The following CA10 variants were observed in gnomAD, a reference collection of about 807,000 sequenced individuals.
CA10 encodes carbonic anhydrase 10 (inactive).
CA10 carries 14 observed loss-of-function variants against 44.2 expected under a neutral mutation model. The ratio of observed to expected loss-of-function variants is 0.32; its 90% CI spans 0.21 to 0.50. CA10 has a LOEUF of 0.50. CA10 is among the 20% of genes least tolerant of loss of function. The pLI, the probability that CA10 is intolerant of heterozygous loss-of-function variation, is 0.99. For missense variants in CA10, 350 were observed against 409.7 expected (o/e 0.85, Z 1.26); for synonymous variants, 159 against 141.6 (o/e 1.12, Z -0.87).
chr17:51,959,928 A>C (rs1983824077), intron 2 of CA10, among the ~76,000 whole-genome samples: 2 of 151,998 alleles, frequency 1.3e-5, no homozygotes, highest in Admixed American at 1.3e-4. Flanking sequence ...AAAAAAGAGC[A>C]TCTCAAAAGT....
intron 2 of CA10, among the ~76,000 whole-genome samples, chr17:51,943,809 G>A (rs1983174255): frequency 1.3e-5 from 2 of 152,150 alleles, no homozygotes; most frequent in Admixed American, 1.3e-4. Context: ...GAAGAAAGCA[G>A]GTTTTTCTCA....
chr17:51,673,531 C>A (rs977540218), intron 4 of CA10, among the ~76,000 whole-genome samples: 2 of 152,124 alleles, frequency 1.3e-5, no homozygotes, highest in Non-Finnish European at 2.9e-5. Context: ...CATGAGAGCT[C>A]ATTAGTCATG....
chr17:52,061,632 C>T (rs377414679), intron 2 of CA10, among the ~76,000 whole-genome samples: 12 of 152,074 alleles, frequency 7.9e-5, no homozygotes, highest in African/African-American at 2.7e-4. Context: ...AGTGAGTTCT[C>T]ATGAAATCTC....
At chr17:51,843,524 C>T (rs968909467) in intron 3 of CA10, among the ~76,000 whole-genome samples, 5 of 152,092 alleles carry the variant, frequency 3.3e-5, no homozygotes, top group East Asian at 1.9e-4. Context: ...TTTTCCCCCA[C>T]GTGAAGTCTC....
intron 3 of CA10, among the ~76,000 whole-genome samples, chr17:51,759,223 A>G (rs897442019): frequency 1.6e-4 from 25 of 151,834 alleles, no homozygotes; most frequent in African/African-American, 5.8e-4. Context: ...TGGAACCAAG[A>G]TGGTACCAGC....
At chr17:51,669,495 C>T (rs955280775) in intron 4 of CA10, among the ~76,000 whole-genome samples, 1 of 152,178 alleles carries the variant, frequency 6.6e-6, no homozygotes, top group African/African-American at 2.4e-5. Flanking sequence ...CCCTTCCACA[C>T]TGTGGAAGCT....
rs188515118 is a variant in CA10, at chr17:51,981,673, T to A, written c.137-50541A>T. 2.8e-4 allele frequency among the ~76,000 whole-genome samples: 42 copies of A among 152,202 alleles called. 1 individual carries two copies. The East Asian group carries it at 7.9e-3, about 29-fold the overall frequency. The stretch of plus-strand genomic sequence containing the variant: ...ATTTCACTGTAAATAAATAATATTT[T>A]CATTTCTACAAGACTACCCATGTGA... On this transcript the variant is annotated intron_variant, in intron 2 of 8. Coordinates refer to ENST00000451037, the MANE Select transcript of CA10 (RefSeq NM_020178.5).
chr17:52,150,644 A>T (rs537928260), intron 1 of CA10, among the ~76,000 whole-genome samples: 1 of 152,180 alleles, frequency 6.6e-6, no homozygotes, highest in African/African-American at 2.4e-5. Context: ...TCTATTGGAA[A>T]TAAGAGTTGA....
intron 3 of CA10, among the ~76,000 whole-genome samples, chr17:51,750,591 C>A (rs1194189037): frequency 4.6e-5 from 7 of 152,078 alleles, no homozygotes; most frequent in Non-Finnish European, 1.0e-4. Context: ...ATGCAAATTC[C>A]AGGTCAAATA....
At chr17:51,725,347 C>A (rs1916479730) in intron 4 of CA10, among the ~76,000 whole-genome samples, 1 of 152,228 alleles carries the variant, frequency 6.6e-6, no homozygotes, top group East Asian at 1.9e-4. Flanking sequence ...TCGGCTTGAA[C>A]TTTAATAGAA....
intron 2 of CA10, among the ~76,000 whole-genome samples, chr17:51,969,685 G>A (rs1164146672): frequency 6.6e-6 from 1 of 151,758 alleles, no homozygotes; most frequent in Admixed American, 6.6e-5. Flanking sequence ...TATTTATTGA[G>A]TACCCCCTGT....
intron 3 of CA10, among the ~76,000 whole-genome samples, chr17:51,829,926 C>T (rs573731371): frequency 1.7e-4 from 26 of 152,150 alleles, no homozygotes; most frequent in South Asian, 4.1e-4. Context: ...AGGCCGGGCG[C>T]GGTGGCTCAC....
At chr17:51,720,832 C>G (rs766811827) in intron 4 of CA10, among the ~76,000 whole-genome samples, 11 of 150,554 alleles carry the variant, frequency 7.3e-5, no homozygotes, top group Non-Finnish European at 1.5e-4. Context: ...CTATTATGCT[C>G]TGCTCTATGG....
intron 3 of CA10, chr17:51,761,601 C>G (rs1905218706): frequency 6.6e-6 from 1 of 152,190 alleles, no homozygotes; most frequent in South Asian, 2.1e-4. Context: ...CCCAAGATTA[C>G]CTAATCCTTG....
intron 1 of CA10, among the ~76,000 whole-genome samples, chr17:52,082,121 G>A (rs78875499): frequency 7.0e-4 from 106 of 152,234 alleles, no homozygotes; most frequent in Non-Finnish European, 1.4e-3. Context: ...ACATATCGTA[G>A]GTACACTGGC....
chr17:51,762,271 TG>T (rs1905236900), intron 3 of CA10: 1 of 152,262 alleles, frequency 6.6e-6, no homozygotes, highest in Non-Finnish European at 1.5e-5. Flanking sequence ...TTTTTGTCCA[TG>T]GGTACTGGGG....
intron 1 of CA10, among the ~76,000 whole-genome samples, chr17:52,156,329 T>C (rs527271422): frequency 6.6e-6 from 1 of 152,190 alleles, no homozygotes; most frequent in African/African-American, 2.4e-5. Context: ...AGATGCAGAA[T>C]GGAATAATAG....
chr17:52,038,521 G>C (rs1217545996), intron 2 of CA10, among the ~76,000 whole-genome samples: 1 of 152,074 alleles, frequency 6.6e-6, no homozygotes. Flanking sequence ...ACTAAAGCAA[G>C]ATGTAAATAG....
At chr17:51,771,550 G>A (rs1203877889) in intron 3 of CA10, among the ~76,000 whole-genome samples, 4 of 152,228 alleles carry the variant, frequency 2.6e-5, no homozygotes, top group South Asian at 2.1e-4. Flanking sequence ...TGGAGACTCC[G>A]ATTTTCCATG....
Sources: gnomAD v4.1 joint callset for allele counts (sites outside exome capture counted in the v4.1 genomes callset) on GRCh38, gnomAD v4.1.1 for gene constraint, MANE v1.5 for transcripts, NCBI Gene and HGNC (gene_info 2026-07-23, HGNC 2026-07-21) for gene names.